MNS1: variants seen among roughly 807,000 people sequenced by gnomAD.
MNS1 encodes meiosis-specific nuclear structural protein 1.
In MNS1, 63 loss-of-function variants were observed where a neutral mutation model predicts 72.0. The ratio of observed to expected loss-of-function variants is 0.87; its 90% CI spans 0.71 to 1.08. MNS1 has a LOEUF of 1.08. MNS1 is among the 50% of genes least tolerant of loss of function. The pLI, the probability that MNS1 is intolerant of heterozygous loss-of-function variation, is 0.00. For missense variants in MNS1, 604 were observed against 562.4 expected, an observed-to-expected ratio of 1.07 and a Z score of -0.75; for synonymous variants, 188 against 172.1, an observed-to-expected ratio of 1.09 and a Z score of -0.72.
chr15:56,448,877 C>G (rs1267600326), intron 3 of MNS1, among the ~76,000 whole-genome samples: 1 of 151,826 alleles, frequency 6.6e-6, no homozygotes, highest in Admixed American at 6.6e-5. Context: ...TCTCAGCCTC[C>G]CAGGTAGCTG....
Position 56,444,375 on chromosome 15 carries a change from C to T in MNS1, c.686+69G>A, listed in dbSNP as rs1292640365. ...AGGCACTGTTCTAGGTGCTTCAGTT[C>T]CTCACAACAAACCTGTGATATATCT... is the stretch of plus-strand genomic sequence containing the variant. On this transcript the variant is annotated intron_variant, in intron 5 of 9. Transcript: ENST00000260453. 16 of 1,341,210 alleles carry T rather than the reference C, an allele frequency of 1.2e-5. No homozygotes were observed. In the South Asian group the frequency reaches 1.7e-4, roughly 14 times the overall value. The allele number at this position is 1,341,210 out of a possible 1,614,324, so 83.1% of individuals were successfully genotyped here. A position where few individuals can be genotyped will look rare whatever the true frequency, so the allele number is the denominator to read the frequency against.
At chr15:56,446,531 A>G (rs1176554642) in intron 4 of MNS1, among the ~76,000 whole-genome samples, 2 of 152,032 alleles carry the variant, frequency 1.3e-5, no homozygotes, top group Admixed American at 6.5e-5. Flanking sequence ...ACATTCTAAA[A>G]TACACTTATC....
At chr15:56,453,259 A>G (rs1217932086) in intron 3 of MNS1, among the ~76,000 whole-genome samples, 2 of 152,182 alleles carry the variant, frequency 1.3e-5, no homozygotes, top group East Asian at 3.8e-4. Flanking sequence ...AATTTACTAT[A>G]CATGTACCTC....
At chr15:56,429,304 C>CTAT in intron 9 of MNS1, 111 bp from the exon 10 acceptor site, 1 of 669,788 alleles carries the variant, frequency 1.5e-6, no homozygotes, top group Non-Finnish European at 2.5e-6. Flanking sequence ...GTAATGAAAT[C>CTAT]TATTCAACAG....
At chr15:56,435,700 A>G (rs2050711870) in intron 7 of MNS1, among the ~76,000 whole-genome samples, 1 of 151,996 alleles carries the variant, frequency 6.6e-6, no homozygotes, top group South Asian at 2.1e-4. Flanking sequence ...CCAAAATAAA[A>G]CCCCAAGTCA....
intron 3 of MNS1, among the ~76,000 whole-genome samples, chr15:56,448,535 CTCCA>C (rs1646775225): frequency 6.6e-6 from 1 of 152,172 alleles, no homozygotes; most frequent in Admixed American, 6.5e-5. Flanking sequence ...CGGCCTCCAG[CTCCA>C]TCCATGTTTC....
intron 3 of MNS1, among the ~76,000 whole-genome samples, chr15:56,452,193 T>G (rs1390440257): frequency 1.3e-5 from 2 of 152,158 alleles, no homozygotes; most frequent in Non-Finnish European, 2.9e-5. Context: ...CAGCATATAG[T>G]TATACTCACG....
Position 56,444,524 on chromosome 15 carries a change from C to T in MNS1, c.606G>A (p.Lys202=). The T allele has an allele frequency of 6.6e-7, 1 of 1,511,610 alleles. No individual in the cohort carries two copies. 93.6% of individuals were successfully genotyped at this position (1,511,610 alleles called of 1,614,324 possible). The change falls in exon 5 of 10, where the codon AAG becomes AAA. Residue 202 remains lysine, a synonymous_variant. Coordinates refer to ENST00000260453, the MANE Select transcript of MNS1 (RefSeq NM_018365.4). ...TTAGCAGCTGCTCATAAGCTTCCTG[C>T]TTTTTTTTTTCTTGTTCTTCAAGTT... ...EKQLEEQEKK[K]QEAYEQLLKE... is the part of the protein sequence containing the mutation.
chr15:56,464,546 T>C (rs1300710656), intron 1 of MNS1, among the ~76,000 whole-genome samples: 1 of 150,506 alleles, frequency 6.6e-6, no homozygotes, highest in Admixed American at 6.7e-5. Flanking sequence ...AGATCTTTAC[T>C]ACCACCAGGG....
intron 2 of MNS1, among the ~76,000 whole-genome samples, chr15:56,460,009 A>AAAAAAATATATATATATAT: frequency 1.9e-4 from 5 of 26,384 alleles, no homozygotes; most frequent in Non-Finnish European, 2.8e-4. Context: ...AAAAAAAAAA[A>AAAAAAATATATATATATAT]ATACATATAT....
intron 7 of MNS1, among the ~76,000 whole-genome samples, chr15:56,436,769 G>C (rs1377316622): frequency 1.3e-5 from 2 of 152,072 alleles, no homozygotes; most frequent in Non-Finnish European, 2.9e-5. Context: ...AAATGATAAA[G>C]GGGATATCAC....
intron 7 of MNS1, among the ~76,000 whole-genome samples, chr15:56,434,610 A>G (rs1339354182): frequency 6.6e-6 from 1 of 152,116 alleles, no homozygotes; most frequent in South Asian, 2.1e-4. Flanking sequence ...CTCATGAACA[A>G]ATTTTAATTT....
At chr15:56,448,429 A>G (rs982422546) in intron 3 of MNS1, among the ~76,000 whole-genome samples, 1 of 152,074 alleles carries the variant, frequency 6.6e-6, no homozygotes, top group African/African-American at 2.4e-5. Context: ...TGTTGTTCCC[A>G]TATATGTCTA....
At chr15:56,440,571 C>G (rs753593262) in intron 7 of MNS1, among the ~76,000 whole-genome samples, 1 of 152,046 alleles carries the variant, frequency 6.6e-6, no homozygotes, top group South Asian at 2.1e-4. Flanking sequence ...TTCCAAATGC[C>G]CTTTAATGGG....
chr15:56,461,427 G>C (rs566342823), intron 2 of MNS1, among the ~76,000 whole-genome samples: 3 of 152,182 alleles, frequency 2.0e-5, no homozygotes, highest in Non-Finnish European at 4.4e-5. Flanking sequence ...TTGGGAGGCC[G>C]AGGCAGGCAG....
At chr15:56,434,546 C>A in intron 7 of MNS1, 151 bp from the exon 8 acceptor site, 1 of 802,076 alleles carries the variant, frequency 1.2e-6, no homozygotes, top group Non-Finnish European at 1.9e-6. Context: ...TTTGTCCATC[C>A]CTTTAAAACT....
At chr15:56,451,899 C>T (rs1397279591) in intron 3 of MNS1, among the ~76,000 whole-genome samples, 1 of 152,048 alleles carries the variant, frequency 6.6e-6, no homozygotes, top group Non-Finnish European at 1.5e-5. Flanking sequence ...TTACTTACGT[C>T]TAGTTTAATT....
rs956456049 is a variant in MNS1 at position 56,428,736 on chromosome 15, T to G, written c.*365A>C. 1 of 358,770 alleles carries G rather than the reference T, an allele frequency of 2.8e-6. No homozygotes were observed. The highest frequency in any genetic ancestry group is 2.1e-5 in the African/African-American group (1 of 47,818). 22.2% of individuals were successfully genotyped at this position (358,770 alleles called of 1,614,324 possible). A position where few individuals can be genotyped will look rare whatever the true frequency, so the allele number is the denominator to read the frequency against. Reference sequence around the variant, plus strand: ...CCAAAAAAGATGCTTTAAAAGAAAATTCCAAATATTTATTTCCCTGGCTAA... The same window carrying G: ...CCAAAAAAGATGCTTTAAAAGAAAAGTCCAAATATTTATTTCCCTGGCTAA... On this transcript the variant is annotated 3_prime_UTR_variant, in exon 10 of 10. Transcript: ENST00000260453.
chr15:56,456,306 C>G lies in MNS1; in HGVS notation c.353+88G>C, dbSNP rs1458049994. ...TATTAACTAAGTGAAATGACATAAA[C>G]AAAGAAATTTCACTTTCAGGTGCTA... On this transcript the variant is annotated intron_variant, in intron 3 of 9. Coordinates refer to ENST00000260453, the MANE Select transcript of MNS1 (RefSeq NM_018365.4). 2.9e-5 allele frequency: 36 copies of G among 1,243,204 alleles called. No homozygotes were observed. In the East Asian group the frequency reaches 9.1e-4, roughly 31 times the overall value. 77.0% of individuals were successfully genotyped at this position (1,243,204 alleles called of 1,614,324 possible).
Sources: allele counts gnomAD v4.1 joint callset (sites outside exome capture counted in the v4.1 genomes callset), GRCh38; gene constraint gnomAD v4.1.1; transcripts MANE v1.5; gene names NCBI Gene and HGNC (gene_info 2026-07-23, HGNC 2026-07-21).